Variants in SLC4A1AP observed in about 807,000 individuals in gnomAD.
SLC4A1AP encodes the protein solute carrier family 4 member 1 adaptor protein, also known as kanadaptin.
SLC4A1AP carries 64 observed loss-of-function variants against 89.7 expected under a neutral mutation model. The observed-to-expected ratio is 0.71, with a 90% confidence interval of 0.58 to 0.88. The LOEUF (loss-of-function observed/expected upper bound fraction) is 0.88, where lower values mean the gene tolerates loss of function less well. Ranked by LOEUF, SLC4A1AP falls within the 40% of genes least tolerant of loss-of-function variation. The pLI, the probability that SLC4A1AP is intolerant of heterozygous loss-of-function variation, is 0.00. For missense variants in SLC4A1AP, 931 were observed against 965.0 expected (o/e 0.96, Z 0.47); for synonymous variants, 366 against 353.3 (o/e 1.04, Z -0.40).
intron 5 of SLC4A1AP, among the ~76,000 whole-genome samples, chr2:27,670,381 A>G (rs1675402246): frequency 6.6e-6 from 1 of 151,814 alleles, no homozygotes; most frequent in African/African-American, 2.4e-5. Flanking sequence ...AAGTCTGAGT[A>G]GAGCATCATT....
chr2:27,687,869 T>C (rs747232246), intron 10 of SLC4A1AP, 65 bp from the exon 11 acceptor site: 5 of 1,276,098 alleles, frequency 3.9e-6, no homozygotes, highest in South Asian at 1.3e-5. Context: ...GTTTTTGTTT[T>C]TGTTTGTTTG....
chr2:27,685,903 G>T (rs1373690852), intron 10 of SLC4A1AP, among the ~76,000 whole-genome samples: 2 of 152,060 alleles, frequency 1.3e-5, no homozygotes, highest in South Asian at 2.1e-4. Flanking sequence ...AGGGTTATAT[G>T]TTCATTTTAG....
intron 13 of SLC4A1AP, 73 bp from the exon 14 acceptor site, chr2:27,694,561 A>G: frequency 8.8e-7 from 1 of 1,133,420 alleles, no homozygotes; most frequent in East Asian, 2.7e-5. Context: ...TGGCCTACTG[A>G]TATCTGGATA....
intron 6 of SLC4A1AP, among the ~76,000 whole-genome samples, chr2:27,676,773 T>C (rs977534769): frequency 2.1e-5 from 3 of 145,434 alleles, no homozygotes; most frequent in African/African-American, 7.7e-5. Context: ...GAGGTTGCAG[T>C]GAGTCGAGAT....
At chr2:27,685,354 C>T in intron 10 of SLC4A1AP, 77 bp downstream of exon 10, 1 of 1,524,004 alleles carries the variant, frequency 6.6e-7, no homozygotes, top group Non-Finnish European at 8.8e-7. Context: ...AAAAGCAAGG[C>T]CAGTTCTTGT....
intron 5 of SLC4A1AP, 33 bp downstream of exon 5, chr2:27,669,420 T>TA: frequency 1.4e-6 from 2 of 1,447,002 alleles, no homozygotes; most frequent in Non-Finnish European, 9.1e-7. Context: ...TTTCTAGATT[T>TA]AAAAAAAGGA....
intron 10 of SLC4A1AP, among the ~76,000 whole-genome samples, chr2:27,687,127 A>G (rs1185409003): frequency 6.6e-6 from 1 of 151,968 alleles, no homozygotes. Flanking sequence ...TTTATAACCT[A>G]GTTTTTTTTT....
In SLC4A1AP at chr2:27,685,150, G is replaced by T. The variant is rs773989870; in HGVS notation, c.1989G>T (p.Glu663Asp). 2.5e-6 allele frequency: 4 copies of T among 1,614,046 alleles called. No individual in the cohort carries two copies. The highest frequency in any genetic ancestry group is 3.4e-6 in the Non-Finnish European group (4 of 1,179,986). Residue 663 changes from glutamate (E) to aspartate (D), a missense_variant, in exon 10 of 14, where the codon GAG (glutamate) becomes GAT (aspartate). By Grantham distance (45) the Glu-to-Asp change is conservative. Transcript: ENST00000613058. ...AGGAAGAAGAGAAAGAAAAGGAGGA[G>T]CATGAAAAGAAAAAACTGGAGGATG... is the stretch of plus-strand genomic sequence containing the variant.
At chr2:27,677,972 A>G in intron 8 of SLC4A1AP, 48 bp downstream of exon 8, 1 of 1,245,914 alleles carries the variant, frequency 8.0e-7, no homozygotes, top group Non-Finnish European at 1.1e-6. Flanking sequence ...GGTAGCATAG[A>G]TAACATTTTC....
chr2:27,688,616 G>A, intron 11 of SLC4A1AP, 84 bp from the exon 12 acceptor site: 1 of 838,618 alleles, frequency 1.2e-6, no homozygotes, highest in Non-Finnish European at 1.9e-6. Context: ...TTCAATAATT[G>A]TAATGTTCTT....
chr2:27,686,728 C>T (rs1675709426), intron 10 of SLC4A1AP, among the ~76,000 whole-genome samples: 1 of 152,184 alleles, frequency 6.6e-6, no homozygotes, highest in Non-Finnish European at 1.5e-5. Context: ...GAATTGAGAT[C>T]ATGCCACTGC....
chr2:27,685,236 C>T (rs755206008), exon 10 of SLC4A1AP: 2 of 1,613,776 alleles, frequency 1.2e-6, no homozygotes, highest in African/African-American at 1.3e-5. Flanking sequence ...GAAATGAGGC[C>T]TCCCACAGAT....
intron 2 of SLC4A1AP, among the ~76,000 whole-genome samples, chr2:27,666,156 CAAT>C (rs941825161): frequency 2.3e-4 from 35 of 152,104 alleles, no homozygotes; most frequent in African/African-American, 8.5e-4. Flanking sequence ...GTTGAAATGA[CAAT>C]AATTTTACCT....
chr2:27,680,137 G>A (rs1675596426), intron 8 of SLC4A1AP, among the ~76,000 whole-genome samples: 1 of 152,112 alleles, frequency 6.6e-6, no homozygotes, highest in African/African-American at 2.4e-5. Context: ...TGCAGTAGCT[G>A]TTTGGCCTGA....
At chr2:27,676,779 G>T (rs548440132) in intron 6 of SLC4A1AP, among the ~76,000 whole-genome samples, 1 of 149,654 alleles carries the variant, frequency 6.7e-6, no homozygotes. Context: ...GCAGTGAGTC[G>T]AGATCACGCC....
intron 2 of SLC4A1AP, among the ~76,000 whole-genome samples, chr2:27,665,727 A>G (rs1478519128): frequency 1.3e-5 from 2 of 152,232 alleles, no homozygotes; most frequent in Admixed American, 6.5e-5. Flanking sequence ...GAAATGTGGA[A>G]TATCTAATCA....
At position 27,665,088 on chromosome 2, in the gene SLC4A1AP, T is replaced by G; in HGVS notation, c.826-12T>G. ...AAATAAATAAATAACCTTTTTTTCC[T>G]TGGTTCATCAGGGACCAGAGGAAGA... On this transcript the variant is annotated splice_polypyrimidine_tract_variant and intron_variant, in intron 1 of 13. Transcript: ENST00000613058. The G allele has an allele frequency of 6.3e-7, 1 of 1,593,626 alleles. No homozygotes were observed. Among genetic ancestry groups the G allele is most frequent in the Non-Finnish European group, 8.5e-7 (1 of 1,170,940 alleles).
chr2:27,677,704 C>G, intron 7 of SLC4A1AP, 34 bp from the exon 8 acceptor site: 1 of 1,517,520 alleles, frequency 6.6e-7, no homozygotes, highest in East Asian at 2.3e-5. Flanking sequence ...TCAGGATCAT[C>G]TTTCTAAACA....
At chr2:27,682,189 T>C in intron 8 of SLC4A1AP, 59 bp from the exon 9 acceptor site, 1 of 1,115,442 alleles carries the variant, frequency 9.0e-7, no homozygotes, top group African/African-American at 1.6e-5. Flanking sequence ...TCATGGTATT[T>C]TTAGATAAAA....
Sources: allele counts gnomAD v4.1 joint callset (sites outside exome capture counted in the v4.1 genomes callset), GRCh38; gene constraint gnomAD v4.1.1; transcripts MANE v1.5; gene names NCBI Gene and HGNC (gene_info 2026-07-23, HGNC 2026-07-21).